The following KRT33B variants were observed in gnomAD, a reference collection of about 807,000 sequenced individuals.
The protein encoded by KRT33B is keratin, type I cuticular Ha3-II.
In KRT33B, 37 loss-of-function variants were observed where a neutral mutation model predicts 42.7. The ratio of observed to expected loss-of-function variants is 0.87; its 90% confidence interval spans 0.67 to 1.14. KRT33B has a LOEUF of 1.14. Among genes scored for constraint, KRT33B ranks in the 50% most tolerant of loss-of-function variants. The pLI, the probability that KRT33B is intolerant of heterozygous loss-of-function variation, is 0.00. For missense variants in KRT33B, 523 were observed against 515.1 expected (o/e 1.02, Z -0.15); for synonymous variants, 237 against 221.2 (o/e 1.07, Z -0.63).
intron 2 of KRT33B, among the ~76,000 whole-genome samples, 189 bp downstream of exon 2, chr17:41,367,719 A>T (rs1483364194): frequency 2.0e-5 from 3 of 149,804 alleles, no homozygotes; most frequent in African/African-American, 7.5e-5. Context: ...AAAAAAATTA[A>T]AAAAAAAAAC....
In KRT33B at chr17:41,369,548, G is replaced by T. The variant is rs987759777; in HGVS notation, c.203C>A (p.Ala68Asp). Residue 68 changes from alanine to aspartate, a missense_variant, in exon 1 of 7, where the codon GCC (alanine) becomes GAC (aspartate). Physicochemically the swap from Ala to Asp is moderately radical, Grantham distance 126. Coordinates refer to ENST00000251646, the MANE Select transcript of KRT33B (RefSeq NM_002279.5). Reference sequence around the variant, plus strand: ...CTGACGCACCTTCTCCAGGTAGCTGGCCAGGCGGTCGTTCAGGAACTGCAT... The same window carrying T: ...CTGACGCACCTTCTCCAGGTAGCTGTCCAGGCGGTCGTTCAGGAACTGCAT... ...ETMQFLNDRLASYLEKVRQLE... is the reference protein window; with the variant it reads ...ETMQFLNDRLDSYLEKVRQLE... 13 of 1,613,898 alleles carry T rather than the reference G, an allele frequency of 8.1e-6. No individual in the cohort carries two copies. In the Admixed American group the frequency reaches 8.3e-5, roughly 10 times the overall value.
Position 41,369,651 on chromosome 17 carries a change from C to T in KRT33B, c.100G>A (p.Ala34Thr). Residue 34 changes from alanine to threonine, a missense_variant, in exon 1 of 7, where the codon GCC becomes ACC. Ala to Thr is a moderately conservative substitution (Grantham distance 58). Coordinates refer to ENST00000251646, the MANE Select transcript of KRT33B (RefSeq NM_002279.5). ...CTCACATTGGCAGGGATGTTGCAGG[C>T]CCCGGGCAGGGTGTAGCCGTGGCAG... ...PSCHGYTLPG[A>T]CNIPANVSNC... 1 of 1,613,762 alleles carries T rather than the reference C, an allele frequency of 6.2e-7. No homozygotes were observed. The highest frequency in any genetic ancestry group is 2.2e-5 in the East Asian group (1 of 44,882).
In KRT33B at chr17:41,369,664, G is replaced by A. The variant is rs1201705381; in HGVS notation, c.87C>T (p.Tyr29=). The change falls in exon 1 of 7, where the codon TAC becomes TAT. Residue 29 remains tyrosine, a synonymous_variant. Coordinates refer to ENST00000251646, the MANE Select transcript of KRT33B (RefSeq NM_002279.5). ...RPCVPPSCHG[Y]TLPGACNIPA... ...GGATGTTGCAGGCCCCGGGCAGGGT[G>A]TAGCCGTGGCAGCTGGGGGGCACAC... 1 of 1,613,950 alleles carries A rather than the reference G, an allele frequency of 6.2e-7. No individual in the cohort carries two copies. Among genetic ancestry groups the A allele is most frequent in the East Asian group, 2.2e-5 (1 of 44,882 alleles).
In KRT33B at chr17:41,366,612, T is replaced by G. The variant is rs2017705073; in HGVS notation, c.446A>C (p.Gln149Pro). The change falls in exon 3 of 7, where the codon CAG (glutamine) becomes CCG (proline). Residue 149 changes from glutamine to proline, a missense_variant. By Grantham distance (76) the Gln-to-Pro change is moderately conservative. Transcript: ENST00000251646. ...DDFRTKYQTE[Q>P]SLRQLVESDI... Reference sequence around the variant, plus strand: ...GGACTCCACCAGCTGCCGCAGGGACTGCTCCGTCTGGTACCTGCACACACA... The same window carrying G: ...GGACTCCACCAGCTGCCGCAGGGACGGCTCCGTCTGGTACCTGCACACACA... 1.9e-6 allele frequency: 3 copies of G among 1,610,768 alleles called. 1 individual carries two copies. In the South Asian group the frequency reaches 3.3e-5, roughly 18 times the overall value.
chr17:41,369,602 C>G lies in KRT33B; in HGVS notation c.149G>C (p.Gly50Ala). ...NVSNCNWFCE[G>A]SFNGSEKETM... ...CTCCTTCTCGCTGCCATTGAAGGAG[C>G]CCTCGCAGAACCAGTTGCAGTTGCT... is the stretch of plus-strand genomic sequence containing the variant. Residue 50 changes from glycine (G) to alanine (A), a missense_variant, in exon 1 of 7, where the codon GGC becomes GCC. Gly to Ala is a moderately conservative substitution (Grantham distance 60, BLOSUM62 0). Coordinates refer to ENST00000251646, the MANE Select transcript of KRT33B (RefSeq NM_002279.5). 5 of 1,613,544 alleles carry G rather than the reference C, an allele frequency of 3.1e-6. No individual in the cohort carries two copies. The highest frequency in any genetic ancestry group is 4.2e-6 in the Non-Finnish European group (5 of 1,180,044).
intron 2 of KRT33B, 83 bp from the exon 3 acceptor site, chr17:41,366,709 T>C: frequency 7.6e-7 from 1 of 1,311,394 alleles, no homozygotes; most frequent in South Asian, 1.5e-5. Context: ...ACTTAGTCAA[T>C]TTTATTATAT....
Position 41,363,837 on chromosome 17 carries a change from T to G in KRT33B, c.1214A>C (p.Ter405SerextTer75), listed in dbSNP as rs758450941. The change falls in exon 7 of 7, where the codon TAG (stop) becomes TCG (serine). Residue 405 changes from the stop codon to serine (S), a stop_lost. Transcript: ENST00000251646. ...ATACTTCTGCTGGCCCCAGGGTATC[T>G]AGTACCCAAAGGTGTTGCAAGGCCC... Reference protein sequence around the residue: ...RCGPCNTFGY* With the variant: ...RCGPCNTFGYS 1 of 1,588,810 alleles carries G rather than the reference T, an allele frequency of 6.3e-7. No homozygotes were observed.
In KRT33B at chr17:41,363,947, G is replaced by A. The variant is rs749801695; in HGVS notation, c.1104C>T (p.Pro368=). ...SLLESEDCKL[P]SNPCATTNAC... is the part of the protein sequence containing the mutation. The stretch of plus-strand genomic sequence containing the variant: ...CATTGGTGGTGGCGCAGGGGTTGGA[G>A]GGCAGCCTGGGATGCAGAAGCATTA... Residue 368 remains proline (P), a synonymous_variant, in exon 7 of 7, where the codon CCC becomes CCT. Transcript: ENST00000251646. The A allele has an allele frequency of 6.2e-7, 1 of 1,608,044 alleles. No individual in the cohort carries two copies. Among genetic ancestry groups the A allele is most frequent in the Non-Finnish European group, 8.5e-7 (1 of 1,177,166 alleles).
Position 41,369,166 on chromosome 17 carries a change from T to C in KRT33B, c.348+237A>G, listed in dbSNP as rs74997478. ...TTCTGGTTTGGAGTAAGACGCCATATAAGATTGCTATGACTGATTTTGGTC... is the reference window on the plus strand; with the variant it reads ...TTCTGGTTTGGAGTAAGACGCCATACAAGATTGCTATGACTGATTTTGGTC... On this transcript the variant is annotated intron_variant, in intron 1 of 6. Transcript: ENST00000251646. Among the ~76,000 whole-genome samples, 1,385 of 151,280 alleles carry C rather than the reference T, an allele frequency of 9.2e-3. 75 individuals are homozygous for C. Among genetic ancestry groups the C allele is most frequent in the African/African-American group, 0.032 (1,298 of 40,572 alleles).
chr17:41,365,491 G>A lies in KRT33B; in HGVS notation c.651C>T (p.Pro217=), dbSNP rs767642130. Residue 217 remains proline (P), a synonymous_variant, in exon 4 of 7, where the codon CCC becomes CCT. Transcript: ENST00000251646. ...DRLNVEVDAA[P]AVDLNQVLNE... is the part of the protein sequence containing the mutation. Reference sequence around the variant, plus strand: ...TCAGGACCTGGTTCAGGTCCACAGCGGGAGCAGCGTCCACCTCCACGTTGA... The same window carrying A: ...TCAGGACCTGGTTCAGGTCCACAGCAGGAGCAGCGTCCACCTCCACGTTGA... The A allele has an allele frequency of 4.3e-6, 7 of 1,612,950 alleles. No individual in the cohort carries two copies. The highest frequency in any genetic ancestry group is 2.7e-5 in the African/African-American group (2 of 73,872).
Position 41,364,927 on chromosome 17 carries a change from G to A in KRT33B, c.949C>T (p.Leu317=). 2.5e-6 allele frequency: 4 copies of A among 1,613,436 alleles called. No individual in the cohort carries two copies. Among genetic ancestry groups the A allele is most frequent in the East Asian group, 2.2e-5 (1 of 44,894 alleles). Residue 317 remains leucine (L), a synonymous_variant, in exon 6 of 7, where the codon CTG becomes TTG. Coordinates refer to ENST00000251646, the MANE Select transcript of KRT33B (RefSeq NM_002279.5). The part of the protein sequence containing the change: ...YSSQLSQVQS[L]ITNVESQLAE... ...AGCTGGGACTCCACGTTGGTGATCA[G>A]GCTCTGCACCTGGGACAGCTGGGAG...
In KRT33B at chr17:41,369,482, T is replaced by C. The variant is rs1490775162; in HGVS notation, c.269A>G (p.Glu90Gly). 1.2e-6 allele frequency: 2 copies of C among 1,613,834 alleles called. No individual in the cohort carries two copies. The highest frequency in any genetic ancestry group is 1.7e-6 in the Non-Finnish European group (2 of 1,180,048). ...DNAELENLIR[E>G]RSQQQEPLLC... ...CAAGGGCTCCTGCTGCTGAGACCGC[T>C]CCCGGATGAGGTTCTCCAGCTCCGC... The change falls in exon 1 of 7, where the codon GAG (glutamate) becomes GGG (glycine). Residue 90 changes from glutamate to glycine, a missense_variant. Transcript: ENST00000251646.
In KRT33B at chr17:41,365,423, C is replaced by A. The variant is rs765341322; in HGVS notation, c.719G>T (p.Arg240Leu). ...NQYEALVETN[R>L]REVEQWFATQ... ...GGCGAACCATTGCTCCACTTCCCTG[C>A]GGTTGGTTTCCACCAGGGCCTCATA... is the stretch of plus-strand genomic sequence containing the variant. The change falls in exon 4 of 7, where the codon CGC becomes CTC. Residue 240 changes from arginine to leucine, a missense_variant. Transcript: ENST00000251646. The A allele has an allele frequency of 4.3e-6, 7 of 1,612,482 alleles. No individual in the cohort carries two copies. Among genetic ancestry groups the A allele is most frequent in the Admixed American group, 1.7e-5 (1 of 59,870 alleles).
chr17:41,365,554 C>T lies in KRT33B; in HGVS notation c.589-1G>A. The T allele has an allele frequency of 1.9e-6, 3 of 1,609,052 alleles. No individual in the cohort carries two copies. The highest frequency in any genetic ancestry group is 2.5e-6 in the Non-Finnish European group (3 of 1,179,138). On this transcript the variant is annotated splice_acceptor_variant, in intron 3 of 6. Coordinates refer to ENST00000251646, the MANE Select transcript of KRT33B (RefSeq NM_002279.5). LOFTEE classifies it high-confidence loss of function. ...GCTGGCAGCGCAAGGTGTTGACTTC[C>T]TAATGGAGAAAAGGGAAGAAATAAA...
At chr17:41,364,459 GT>G (rs2017667616) in intron 6 of KRT33B, among the ~76,000 whole-genome samples, 1 of 151,300 alleles carries the variant, frequency 6.6e-6, no homozygotes, top group Non-Finnish European at 1.5e-5. Flanking sequence ...ATCAGAAAAA[GT>G]GATCATTGTT....
intron 2 of KRT33B, 110 bp from the exon 3 acceptor site, chr17:41,366,736 T>A: frequency 8.6e-7 from 1 of 1,164,802 alleles, no homozygotes; most frequent in Non-Finnish European, 1.2e-6. Context: ...ATATTTTGAA[T>A]TTAAAAAATT....
intron 1 of KRT33B, among the ~76,000 whole-genome samples, chr17:41,368,448 C>T (rs1317956267): frequency 6.6e-6 from 1 of 151,258 alleles, no homozygotes; most frequent in Non-Finnish European, 1.5e-5. Flanking sequence ...ATGCCCTCAC[C>T]CACTAGCAAG....
intron 2 of KRT33B, among the ~76,000 whole-genome samples, chr17:41,367,251 C>A (rs1308574287): frequency 6.6e-6 from 1 of 151,384 alleles, no homozygotes; most frequent in Non-Finnish European, 1.5e-5. Flanking sequence ...CTCTGAAAGG[C>A]AATGGATTTT....
rs369249922 is a variant in KRT33B, at chr17:41,366,571, G to T, written c.487C>A (p.Arg163Ser). Residue 163 changes from arginine (R) to serine (S), a missense_variant, in exon 3 of 7, where the codon CGC (arginine) becomes AGC (serine). Transcript: ENST00000251646. The stretch of plus-strand genomic sequence containing the variant: ...AGGGTCAGCTCATCCAGAATCCTGC[G>T]CAGGCTGTTGATGTCGGACTCCACC... ...QLVESDINSL[R>S]RILDELTLCR... is the part of the protein sequence containing the mutation. 12 of 1,612,236 alleles carry T rather than the reference G, an allele frequency of 7.4e-6. No homozygotes were observed. Among genetic ancestry groups the T allele is most frequent in the Non-Finnish European group, 9.3e-6 (11 of 1,179,974 alleles).
Sources: gnomAD v4.1 joint callset for allele counts (sites outside exome capture counted in the v4.1 genomes callset) on GRCh38, gnomAD v4.1.1 for gene constraint, MANE v1.5 for transcripts, NCBI Gene and HGNC (gene_info 2026-07-23, HGNC 2026-07-21) for gene names.